TNRC6C: variants seen among roughly 807,000 people sequenced by gnomAD.
TNRC6C encodes the protein trinucleotide repeat containing adaptor 6C.
Under a neutral mutation model 153.7 loss-of-function variants are expected in TNRC6C, and 20 were observed. That is an observed-to-expected ratio of 0.13 (90% CI 0.09 to 0.19). TNRC6C has a LOEUF of 0.19. Among genes scored for constraint, TNRC6C ranks in the 10% least tolerant of loss-of-function variants. The pLI, the probability that TNRC6C is intolerant of heterozygous loss-of-function variation, is 1.00. For missense variants in TNRC6C, 1,987 were observed against 2,172.0 expected, an observed-to-expected ratio of 0.91 and a Z score of 1.69; for synonymous variants, 811 against 841.4, an observed-to-expected ratio of 0.96 and a Z score of 0.63.
chr17:77,994,386 C>T (rs748490869), intron 1 of TNRC6C, among the ~76,000 whole-genome samples: 1 of 152,166 alleles, frequency 6.6e-6, no homozygotes, highest in South Asian at 2.1e-4. Flanking sequence ...AGATTGTCAT[C>T]GGACTTTCTG....
intron 1 of TNRC6C, among the ~76,000 whole-genome samples, chr17:78,021,892 T>C (rs2071839290): frequency 6.6e-6 from 1 of 152,176 alleles, no homozygotes; most frequent in Admixed American, 6.5e-5. Flanking sequence ...ATTTTTTAAT[T>C]AAAATAAAAC....
At chr17:78,040,505 T>G (rs1031945988) in intron 2 of TNRC6C, among the ~76,000 whole-genome samples, 22 of 152,130 alleles carry the variant, frequency 1.4e-4, no homozygotes, top group African/African-American at 5.3e-4. Context: ...CACTTGCCAG[T>G]TTACATATGG....
intron 1 of TNRC6C, among the ~76,000 whole-genome samples, chr17:77,986,347 A>T (rs1242613137): frequency 1.3e-5 from 2 of 150,554 alleles, no homozygotes; most frequent in East Asian, 4.0e-4. Flanking sequence ...CGCGGGAGAC[A>T]GGTTGTGGTG....
At position 77,960,160 on chromosome 17, in the gene TNRC6C, C is replaced by G. The variant is rs139116971; in HGVS notation, c.-38+892C>G. ...CTGCACGTAATTAGTGGAGTTGTCT[C>G]AAACCTTTGCCTCCGCCAAATGAAA... On this transcript the variant is annotated intron_variant, in intron 1 of 22. Coordinates refer to the TNRC6C transcript ENST00000636222. Among the ~76,000 whole-genome samples the G allele has an allele frequency of 1.0e-3, 153 of 152,298 alleles. 1 individual carries two copies. Among genetic ancestry groups the G allele is most frequent in the Non-Finnish European group, 1.4e-3 (96 of 68,026 alleles).
exon 3 of TNRC6C, chr17:78,050,359 C>G: frequency 1.9e-6 from 3 of 1,612,106 alleles, no homozygotes; most frequent in Non-Finnish European, 2.5e-6. Context: ...AGGGCACATC[C>G]AGTTGCCAAG....
exon 13 of TNRC6C, chr17:78,086,933 G>A (rs2073303337): frequency 1.2e-6 from 2 of 1,612,404 alleles, no homozygotes; most frequent in East Asian, 2.2e-5. Flanking sequence ...TCGTGAAGCA[G>A]CCACCACCGC....
intron 3 of TNRC6C, among the ~76,000 whole-genome samples, chr17:78,053,882 A>G (rs537013323): frequency 1.3e-5 from 2 of 152,260 alleles, no homozygotes; most frequent in South Asian, 4.1e-4. Flanking sequence ...CAAACAAACA[A>G]AAAAGCTCCA....
chr17:78,043,248 C>G (rs1014868370), intron 2 of TNRC6C, among the ~76,000 whole-genome samples: 15 of 152,226 alleles, frequency 9.9e-5, no homozygotes, highest in African/African-American at 3.4e-4. Context: ...CTCCCTGCTC[C>G]TCTCCTGTGA....
Position 78,104,675 on chromosome 17 carries a change from G to A in TNRC6C, c.4903G>A (p.Ala1635Thr), listed in dbSNP as rs778091499. The change falls in exon 20 of 20, where the codon GCC becomes ACC. Residue 1635 changes from alanine to threonine, a missense_variant. Physicochemically the swap from Ala to Thr is moderately conservative, Grantham distance 58 (BLOSUM62 0). Transcript: ENST00000301624. The surrounding 1 kb of genome is among the most constrained non-coding windows in gnomAD (Gnocchi z 6.2). ...ACGCAGCGACGCTGGCCACTGGAACGCCCCGTGCCTGGGTGGCAAGGGGAG... is the reference window on the plus strand; with the variant it reads ...ACGCAGCGACGCTGGCCACTGGAACACCCCGTGCCTGGGTGGCAAGGGGAG... 78 of 1,542,350 alleles carry A rather than the reference G, an allele frequency of 5.1e-5. No homozygotes were observed. The highest frequency in any genetic ancestry group is 2.0e-4 in the Middle Eastern group (1 of 5,048).
upstream of TNRC6C, chr17:78,005,009 A>G: frequency 8.5e-7 from 1 of 1,183,048 alleles, no homozygotes; most frequent in Non-Finnish European, 1.1e-6. Context: ...TCTACACATT[A>G]TTCCTAAAGA....
At chr17:77,984,806 C>G (rs2144119618) in intron 1 of TNRC6C, among the ~76,000 whole-genome samples, 1 of 151,866 alleles carries the variant, frequency 6.6e-6, no homozygotes, top group East Asian at 1.9e-4. Context: ...GGATCTTCCT[C>G]TGAGTTCTTA....
At chr17:78,054,818 A>G (rs113222455) in intron 3 of TNRC6C, among the ~76,000 whole-genome samples, 1 of 152,120 alleles carries the variant, frequency 6.6e-6, no homozygotes, top group Non-Finnish European at 1.5e-5. Context: ...ACCACTGCAG[A>G]CTACTGTACG....
intron 3 of TNRC6C, 81 bp from the exon 6 acceptor site, chr17:78,064,641 T>C: frequency 7.4e-7 from 1 of 1,350,208 alleles, no homozygotes; most frequent in Non-Finnish European, 1.0e-6. Context: ...GAAATTATTT[T>C]GAAATTGAAA....
chr17:77,976,931 GAAAAAAAAAA>G (rs57726847), intron 1 of TNRC6C, among the ~76,000 whole-genome samples: 60 of 46,580 alleles, frequency 1.3e-3, no homozygotes, highest in Middle Eastern at 0.017. Flanking sequence ...CTCCATCTCA[GAAAAAAAAAA>G]AAAAAAAAAA....
At chr17:77,958,565 G>C (rs539160894), upstream of TNRC6C, among the ~76,000 whole-genome samples, 1 of 152,182 alleles carries the variant, frequency 6.6e-6, no homozygotes, top group South Asian at 2.1e-4. Flanking sequence ...CGATTGGCCA[G>C]TTCGCCCTCC....
intron 1 of TNRC6C, among the ~76,000 whole-genome samples, chr17:77,976,373 A>G (rs371578159): frequency 6.6e-6 from 1 of 152,340 alleles, no homozygotes; most frequent in East Asian, 1.9e-4. Context: ...TGAGCAAAAG[A>G]TGTGGGATAG....
At chr17:78,095,407 G>A (rs76394986) in intron 16 of TNRC6C, among the ~76,000 whole-genome samples, 3,728 of 152,332 alleles carry the variant, frequency 0.024, 157 homozygotes, top group African/African-American at 0.084. Context: ...TTTGAGATAA[G>A]GCAAGGAAAT....
At chr17:77,959,451 G>A (rs1224744682) in intron 1 of TNRC6C, among the ~76,000 whole-genome samples, 183 bp downstream of exon 1, 2 of 151,780 alleles carry the variant, frequency 1.3e-5, no homozygotes, top group African/African-American at 4.8e-5. Flanking sequence ...GCCGGGGCGC[G>A]TGTGTGCTAG....
At chr17:78,022,889 G>A (rs1319119156) in intron 1 of TNRC6C, among the ~76,000 whole-genome samples, 3 of 152,164 alleles carry the variant, frequency 2.0e-5, no homozygotes, top group Admixed American at 2.0e-4. Flanking sequence ...CTGTACATGT[G>A]CAGACCTTTT....
Sources: allele counts gnomAD v4.1 joint callset (sites outside exome capture counted in the v4.1 genomes callset), GRCh38; gene constraint gnomAD v4.1.1; non-coding constraint Gnocchi (gnomAD v3.1); transcripts MANE v1.5; gene names NCBI Gene and HGNC (gene_info 2026-07-23, HGNC 2026-07-21).